Variants in CNR2 observed in about 807,000 individuals in gnomAD.
CNR2 encodes cannabinoid receptor 2 (macrophage).
For missense variants in CNR2, 379 were observed against 439.9 expected, an observed-to-expected ratio of 0.86 and a Z score of 1.24; for synonymous variants, 172 against 182.2, an observed-to-expected ratio of 0.94 and a Z score of 0.45.
chr1:23,900,038 A>G (rs61778212), intron 1 of CNR2, among the ~76,000 whole-genome samples: 21,847 of 150,392 alleles, frequency 0.15, 2,072 homozygotes, highest in East Asian at 0.35. Context: ...GCTGGAGGCT[A>G]CAAGATTCTG....
chr1:23,912,069 G>A (rs1260569452), intron 1 of CNR2, among the ~76,000 whole-genome samples: 5 of 152,294 alleles, frequency 3.3e-5, no homozygotes, highest in African/African-American at 7.2e-5. Context: ...GCTGCTGCCC[G>A]CCCTGTGCCC....
At chr1:23,895,947 T>C (rs1465215994) in intron 1 of CNR2, among the ~76,000 whole-genome samples, 1 of 152,158 alleles carries the variant, frequency 6.6e-6, no homozygotes, top group Non-Finnish European at 1.5e-5. Flanking sequence ...ATTTTCTCTC[T>C]CTTTTTGACT....
At position 23,875,361 on chromosome 1, in the gene CNR2, A is replaced by G; in HGVS notation, c.257T>C (p.Val86Ala). ...GAAATTCACAAAGCTGCATGCAAAG[A>G]CCACACTGGCCAGGAAGTCAGCCCC... is the stretch of plus-strand genomic sequence containing the variant. Reference protein sequence around the residue: ...LAGADFLASVVFACSFVNFHV... With the variant: ...LAGADFLASVAFACSFVNFHV... Residue 86 changes from valine (V) to alanine (A), a missense_variant, in exon 2 of 2, where the codon GTC (valine) becomes GCC (alanine). Transcript: ENST00000374472. 6.2e-7 allele frequency: 1 copy of G among 1,614,196 alleles called. No individual in the cohort carries two copies. Among genetic ancestry groups the G allele is most frequent in the Non-Finnish European group, 8.5e-7 (1 of 1,180,038 alleles).
chr1:23,901,798 C>G, intron 1 of CNR2: 1 of 1,568,054 alleles, frequency 6.4e-7, no homozygotes, highest in South Asian at 1.1e-5. Context: ...CAGAGCTGGA[C>G]CCACACAGGC....
intron 1 of CNR2, among the ~76,000 whole-genome samples, chr1:23,911,972 G>C (rs913687678): frequency 1.3e-5 from 2 of 152,072 alleles, no homozygotes; most frequent in African/African-American, 4.8e-5. Flanking sequence ...AAGCAGCCAG[G>C]CCTCATTTTA....
rs1254256367 is a variant in CNR2, at chr1:23,880,677, T to C, written c.-45-5015A>G. Among the ~76,000 whole-genome samples, 4 of 151,930 alleles carry C rather than the reference T, an allele frequency of 2.6e-5. 1 individual carries two copies. The highest frequency in any genetic ancestry group is 7.2e-5 in the African/African-American group (3 of 41,440). ...GCCTCCAGGGTTCAAGTGATTCTCC[T>C]GCTTCAGCTTCCTGAGTAGCTGGGA... On this transcript the variant is annotated intron_variant, in intron 1 of 1. Coordinates refer to ENST00000374472, the MANE Select transcript of CNR2 (RefSeq NM_001841.3).
rs755226163 is a variant in CNR2 at position 23,875,554 on chromosome 1, T to G, written c.64A>C (p.Met22Leu). The G allele has an allele frequency of 3.1e-6, 5 of 1,613,660 alleles. No homozygotes were observed. The Admixed American group carries it at 8.3e-5, about 27-fold the overall frequency. The change falls in exon 2 of 2, where the codon ATG (methionine) becomes CTG (leucine). Residue 22 changes from methionine (M) to leucine (L), a missense_variant. Transcript: ENST00000374472. Reference protein sequence around the residue: ...GSKDGLDSNPMKDYMILSGPQ... With the variant: ...GSKDGLDSNPLKDYMILSGPQ... ...CCACTCAGGATCATGTAATCCTTCA[T>G]AGGGTTGGAATCCAAGCCATCCTTG... is the stretch of plus-strand genomic sequence containing the variant.
intron 1 of CNR2, chr1:23,902,234 G>T: frequency 7.5e-7 from 1 of 1,336,100 alleles, no homozygotes; most frequent in Non-Finnish European, 1.0e-6. Context: ...GAGTGACAAT[G>T]ATCTCCAACG....
chr1:23,895,158 T>A (rs1570714982), intron 1 of CNR2, among the ~76,000 whole-genome samples: 1 of 141,886 alleles, frequency 7.0e-6, no homozygotes, highest in Non-Finnish European at 1.5e-5. Context: ...GAGGTGGAGG[T>A]TGCAGTGATC....
chr1:23,874,037 C>T lies in CNR2; in HGVS notation c.*498G>A, dbSNP rs186645513. The T allele has an allele frequency of 2.1e-3, 346 of 161,696 alleles. 2 individuals are homozygous for T. Among genetic ancestry groups the T allele is most frequent in the African/African-American group, 8.0e-3 (332 of 41,704 alleles). The allele number at this position is 161,696 out of a possible 1,614,324, so 10.0% of individuals were successfully genotyped here. A position where few individuals can be genotyped will look rare whatever the true frequency, so the allele number is the denominator to read the frequency against. On this transcript the variant is annotated 3_prime_UTR_variant, in exon 2 of 2. Transcript: ENST00000374472. Reference sequence around the variant, plus strand: ...TTAATCCTCATCATAGCATAGTCCTCGGTCCTCAGTGGCAAGGGTGACTTG... The same window carrying T: ...TTAATCCTCATCATAGCATAGTCCTTGGTCCTCAGTGGCAAGGGTGACTTG...
chr1:23,888,526 G>A (rs75427196), intron 1 of CNR2, among the ~76,000 whole-genome samples: 3,690 of 152,184 alleles, frequency 0.024, 64 homozygotes, highest in Non-Finnish European at 0.039. Context: ...TGGGGTAGAA[G>A]GATTCACACT....
chr1:23,890,258 C>CAAAA (rs35692845), intron 1 of CNR2, among the ~76,000 whole-genome samples: 2 of 74,984 alleles, frequency 2.7e-5, no homozygotes, highest in African/African-American at 5.0e-5. Flanking sequence ...GACCTTGTCT[C>CAAAA]AAAAAAAAAA....
rs781726068 is a variant in CNR2 at position 23,875,217 on chromosome 1, C to T, written c.401G>A (p.Cys134Tyr). The change falls in exon 2 of 2, where the codon TGC (cysteine) becomes TAC (tyrosine). Residue 134 changes from cysteine (C) to tyrosine (Y), a missense_variant. By Grantham distance (194) the Cys-to-Tyr change is radical. Coordinates refer to ENST00000374472, the MANE Select transcript of CNR2 (RefSeq NM_001841.3). ...TTTGTAGGAAGGTGGATAGCGCAGG[C>T]AGAGGTATCGGTCAATGGCGGTCAG... ...LLLTAIDRYL[C>Y]LRYPPSYKAL... The T allele has an allele frequency of 1.9e-6, 3 of 1,614,174 alleles. No homozygotes were observed. The highest frequency in any genetic ancestry group is 3.3e-5 in the Admixed American group (2 of 60,010).
intron 1 of CNR2, among the ~76,000 whole-genome samples, chr1:23,905,190 C>T (rs76348044): frequency 6.3e-5 from 9 of 143,238 alleles, no homozygotes; most frequent in African/African-American, 1.8e-4. Context: ...TCTTTTCTTT[C>T]TTTTTTTTTT....
chr1:23,878,094 G>T (rs747041702), intron 1 of CNR2, among the ~76,000 whole-genome samples: 10 of 152,232 alleles, frequency 6.6e-5, no homozygotes, highest in Non-Finnish European at 1.5e-4. Flanking sequence ...TCTCAGAGGA[G>T]TGTTAGAGAG....
chr1:23,874,709 A>C lies in CNR2; in HGVS notation c.909T>G (p.Ser303Arg). The part of the protein sequence containing the change: ...MVNPVIYALR[S>R]GEIRSSAHHC... ...GATGGGCAGAGGAGCGGATCTCTCC[A>C]CTCCGTAGAGCATAGATGACAGGGT... Residue 303 changes from serine (S) to arginine (R), a missense_variant, in exon 2 of 2, where the codon AGT becomes AGG. Coordinates refer to ENST00000374472, the MANE Select transcript of CNR2 (RefSeq NM_001841.3). 1 of 1,613,800 alleles carries C rather than the reference A, an allele frequency of 6.2e-7. No homozygotes were observed. The highest frequency in any genetic ancestry group is 8.5e-7 in the Non-Finnish European group (1 of 1,179,878).
At chr1:23,898,780 G>A (rs181654689) in intron 1 of CNR2, among the ~76,000 whole-genome samples, 6 of 147,420 alleles carry the variant, frequency 4.1e-5, no homozygotes, top group Admixed American at 7.0e-5. Context: ...AGCCTCCTGA[G>A]TAGCTGGGAT....
intron 1 of CNR2, among the ~76,000 whole-genome samples, chr1:23,896,113 C>A (rs1203041275): frequency 6.6e-6 from 1 of 152,152 alleles, no homozygotes; most frequent in Non-Finnish European, 1.5e-5. Context: ...ATCCTCCCGC[C>A]TTGGTCTCCC....
intron 1 of CNR2, among the ~76,000 whole-genome samples, chr1:23,877,651 A>G (rs1336495321): frequency 6.6e-6 from 1 of 151,496 alleles, no homozygotes; most frequent in Non-Finnish European, 1.5e-5. Context: ...CAAAAAAAAT[A>G]AAAAGAAAAA....
Sources: gnomAD v4.1 joint callset for allele counts (sites outside exome capture counted in the v4.1 genomes callset) on GRCh38, gnomAD v4.1.1 for gene constraint, MANE v1.5 for transcripts, NCBI Gene and HGNC (gene_info 2026-07-23, HGNC 2026-07-21) for gene names.